PDE4D: variants seen among roughly 807,000 people sequenced by gnomAD.
The protein encoded by PDE4D is 3',5'-cyclic-AMP phosphodiesterase 4D.
In PDE4D, 24 loss-of-function variants were observed where a neutral mutation model predicts 87.4. The observed-to-expected ratio is 0.27, with a 90% CI of 0.20 to 0.39. PDE4D has a LOEUF of 0.39. Among genes scored for constraint, PDE4D ranks in the 10% least tolerant of loss-of-function variants. PDE4D has a pLI of 1.00. For synonymous variants in PDE4D, 384 were observed against 383.2 expected (o/e 1.00, Z -0.02); for missense variants, 714 against 1,041.0 (o/e 0.69, Z 4.32).
intron 2 of PDE4D, among the ~76,000 whole-genome samples, chr5:60,119,456 A>C (rs891032103): frequency 2.0e-5 from 3 of 152,178 alleles, no homozygotes; most frequent in African/African-American, 7.2e-5. Flanking sequence ...TCAAATAAAG[A>C]ATTGAAATAA....
intron 5 of PDE4D, among the ~76,000 whole-genome samples, chr5:59,059,428 G>C (rs1389559422): frequency 6.6e-6 from 1 of 152,172 alleles, no homozygotes; most frequent in African/African-American, 2.4e-5. Flanking sequence ...AGTCTTGTTA[G>C]AACAAGCACG....
intron 2 of PDE4D, among the ~76,000 whole-genome samples, chr5:60,057,661 C>T (rs1313268390): frequency 6.6e-6 from 1 of 152,008 alleles, no homozygotes; most frequent in Non-Finnish European, 1.5e-5. Context: ...CAATGCCTAG[C>T]ACTCTGTAAA....
rs568166557 is a variant in PDE4D at position 59,004,668 on chromosome 5, G to C, written c.922-11203C>G. 5.9e-5 allele frequency among the ~76,000 whole-genome samples: 9 copies of C among 152,336 alleles called. No individual in the cohort carries two copies. In the East Asian group the frequency reaches 1.5e-3, roughly 26 times the overall value. On this transcript the variant is annotated intron_variant, in intron 6 of 14. Coordinates refer to ENST00000340635, the MANE Select transcript of PDE4D (RefSeq NM_001104631.2). ...ATACTTATACGTAAAAAGTAGTTGG[G>C]TTCTAGGCTCAGAGAATTATAAATG...
intron 1 of PDE4D, among the ~76,000 whole-genome samples, chr5:60,242,838 AAAAGGG>A (rs1747280969): frequency 6.6e-6 from 1 of 152,076 alleles, no homozygotes; most frequent in South Asian, 2.1e-4. Context: ...AAGCAGTACT[AAAAGGG>A]AAACTTATAG....
intron 1 of PDE4D, among the ~76,000 whole-genome samples, chr5:60,290,173 G>C (rs1162495172): frequency 6.6e-6 from 1 of 152,132 alleles, no homozygotes; most frequent in Non-Finnish European, 1.5e-5. Context: ...TATAACAGTT[G>C]CCAGTGTGGG....
At chr5:60,439,400 C>G (rs1336361302) in intron 1 of PDE4D, among the ~76,000 whole-genome samples, 5 of 152,036 alleles carry the variant, frequency 3.3e-5, no homozygotes, top group Admixed American at 6.6e-5. Context: ...AGCTATCCTC[C>G]TACACCTCAG....
chr5:59,427,495 G>T (rs1795466795), intron 1 of PDE4D, among the ~76,000 whole-genome samples: 1 of 152,094 alleles, frequency 6.6e-6, no homozygotes, highest in Admixed American at 6.6e-5. Flanking sequence ...AGTCCAATTG[G>T]GTGAGGATGG....
intron 1 of PDE4D, among the ~76,000 whole-genome samples, chr5:59,418,034 C>T (rs1056372845): frequency 2.0e-5 from 3 of 152,096 alleles, no homozygotes; most frequent in Non-Finnish European, 4.4e-5. Context: ...TATTGTAATC[C>T]ATCATCTTGT....
chr5:60,270,768 T>C (rs1313689175), intron 1 of PDE4D, among the ~76,000 whole-genome samples: 2 of 152,198 alleles, frequency 1.3e-5, no homozygotes, highest in East Asian at 3.9e-4. Context: ...TTCAGATGTC[T>C]GAATTCAGCT....
chr5:60,471,518 T>C (rs1263483748), intron 1 of PDE4D, among the ~76,000 whole-genome samples: 1 of 152,194 alleles, frequency 6.6e-6, no homozygotes, highest in Admixed American at 6.6e-5. Context: ...AAATATTTCA[T>C]GAAAGGAAGA....
chr5:59,512,610 T>G (rs1810468507), intron 1 of PDE4D, among the ~76,000 whole-genome samples: 1 of 152,148 alleles, frequency 6.6e-6, no homozygotes, highest in Admixed American at 6.5e-5. Flanking sequence ...CAAACCAAAA[T>G]TCTGGATATA....
At chr5:59,507,138 C>T (rs543736920) in intron 1 of PDE4D, among the ~76,000 whole-genome samples, 1 of 152,216 alleles carries the variant, frequency 6.6e-6, no homozygotes, top group Admixed American at 6.5e-5. Context: ...TCGTGACCAG[C>T]CCGGCCAAAA....
At chr5:59,231,092 A>T (rs926185921) in intron 1 of PDE4D, among the ~76,000 whole-genome samples, 4 of 152,184 alleles carry the variant, frequency 2.6e-5, no homozygotes, top group Non-Finnish European at 4.4e-5. Context: ...TATGGTTACA[A>T]ATTATCTTTT....
At chr5:59,960,861 A>C (rs1002584265) in intron 3 of PDE4D, among the ~76,000 whole-genome samples, 2 of 152,170 alleles carry the variant, frequency 1.3e-5, no homozygotes, top group South Asian at 4.1e-4. Flanking sequence ...TCTAAAATAA[A>C]AAATTTAAAA....
At chr5:59,817,969 C>T (rs910693876) in intron 1 of PDE4D, among the ~76,000 whole-genome samples, 1 of 152,044 alleles carries the variant, frequency 6.6e-6, no homozygotes, top group Non-Finnish European at 1.5e-5. Context: ...CCTAAGTGTG[C>T]TGAAGAAAAC....
chr5:60,413,887 C>G (rs887036406), intron 1 of PDE4D, among the ~76,000 whole-genome samples: 1 of 152,132 alleles, frequency 6.6e-6, no homozygotes, highest in Non-Finnish European at 1.5e-5. Context: ...AAGAACACTT[C>G]CAGATTTTTC....
intron 2 of PDE4D, among the ~76,000 whole-genome samples, chr5:60,158,477 T>C (rs960193470): frequency 6.6e-6 from 1 of 152,188 alleles, no homozygotes; most frequent in Admixed American, 6.5e-5. Context: ...AGTCAATGAG[T>C]GAGTGGTGAG....
chr5:60,125,716 A>C (rs1266049043), intron 2 of PDE4D, among the ~76,000 whole-genome samples: 1 of 152,190 alleles, frequency 6.6e-6, no homozygotes, highest in Non-Finnish European at 1.5e-5. Context: ...GTTCACTGAT[A>C]AATTCCCAGT....
rs1209260482 is a variant in PDE4D, at chr5:59,893,431, C to T, written c.192G>A (p.Ser64=). ...GCGGACACTGGGGCTGGGGCTGGGG[C>T]GAGGGTGGCGGCGGCGGGGGCAGGT... The part of the protein sequence containing the change: ...HHHLPPPPPP[S]PQPQPQCPLQ... Residue 64 remains serine (S), a synonymous_variant, in exon 1 of 15, where the codon TCG becomes TCA. Coordinates refer to ENST00000340635, the MANE Select transcript of PDE4D (RefSeq NM_001104631.2). 12 of 1,497,620 alleles carry T rather than the reference C, an allele frequency of 8.0e-6. No individual in the cohort carries two copies. Among genetic ancestry groups the T allele is most frequent in the Non-Finnish European group, 1.1e-5 (12 of 1,120,472 alleles). The allele number at this position is 1,497,620 out of a possible 1,614,324, so 92.8% of individuals were successfully genotyped here.
Sources: allele counts gnomAD v4.1 joint callset (sites outside exome capture counted in the v4.1 genomes callset), GRCh38; gene constraint gnomAD v4.1.1; transcripts MANE v1.5; gene names NCBI Gene and HGNC (gene_info 2026-07-23, HGNC 2026-07-21).